The following PCDHA3 variants were observed in gnomAD, a reference collection of about 807,000 sequenced individuals.
The protein encoded by PCDHA3 is protocadherin alpha 3, also known as protocadherin alpha-3.
In PCDHA3, 41 loss-of-function variants were observed where a neutral mutation model predicts 62.2. The ratio of observed to expected loss-of-function variants is 0.66; its 90% CI spans 0.51 to 0.86. PCDHA3 has a LOEUF of 0.86. PCDHA3 is among the 40% of genes least tolerant of loss of function. The pLI is 0.00. For synonymous variants in PCDHA3, 640 were observed against 555.4 expected, an observed-to-expected ratio of 1.15 and a Z score of -2.14; for missense variants, 1,304 against 1,241.2, an observed-to-expected ratio of 1.05 and a Z score of -0.76.
At chr5:140,853,663 T>C (rs1278843204) in intron 1 of PCDHA3, 2 of 988,324 alleles carry the variant, frequency 2.0e-6, no homozygotes, top group South Asian at 4.7e-5. Context: ...CCAGACAAAT[T>C]GGGGCCTATG....
At chr5:140,923,112 T>C (rs1159250649) in intron 1 of PCDHA3, among the ~76,000 whole-genome samples, 2 of 152,144 alleles carry the variant, frequency 1.3e-5, no homozygotes, top group Non-Finnish European at 2.9e-5. Flanking sequence ...TGATTTTAAG[T>C]TTTTAGGGTC....
At chr5:140,843,709 C>T in intron 1 of PCDHA3, 1 of 1,574,864 alleles carries the variant, frequency 6.3e-7, no homozygotes, top group Non-Finnish European at 8.7e-7. Flanking sequence ...TTGATCATGG[C>T]CTCAAAGTAA....
rs1368694746 is a variant in PCDHA3, at chr5:140,870,609, G to T, written c.2394+67018G>T. ...TGGAGCGGCGGTTGGGCGACCGCGC[G>T]CTGTCGAGCTACGTGTCGGTGCACG... On this transcript the variant is annotated intron_variant, in intron 1 of 3. Coordinates refer to ENST00000522353, the MANE Select transcript of PCDHA3 (RefSeq NM_018906.3). The T allele has an allele frequency of 5.0e-6, 8 of 1,613,114 alleles. No homozygotes were observed. In the East Asian group the frequency reaches 1.8e-4, roughly 36 times the overall value.
At chr5:140,891,970 C>T (rs1554185021) in intron 1 of PCDHA3, among the ~76,000 whole-genome samples, 1 of 152,168 alleles carries the variant, frequency 6.6e-6, no homozygotes, top group African/African-American at 2.4e-5. Flanking sequence ...AGTAAATTTC[C>T]GTTCTCATAA....
chr5:140,823,846 G>T (rs1767898673), intron 1 of PCDHA3: 8 of 1,613,762 alleles, frequency 5.0e-6, no homozygotes, highest in African/African-American at 1.3e-5. Flanking sequence ...TCCCGAGGCT[G>T]CCCTGGTGGA....
intron 1 of PCDHA3, chr5:140,853,385 A>C (rs2042733783): frequency 3.0e-6 from 3 of 986,050 alleles, no homozygotes; most frequent in Non-Finnish European, 3.7e-6. Flanking sequence ...AATTCAAAAC[A>C]GCCTGTCAAG....
Position 140,835,940 on chromosome 5 carries a change from G to A in PCDHA3, c.2394+32349G>A. 6 of 1,612,590 alleles carry A rather than the reference G, an allele frequency of 3.7e-6. No homozygotes were observed. In the South Asian group the frequency reaches 6.6e-5, roughly 18 times the overall value. ...ACGCGGAGAGCGGCAAGGTGTACGCGCTGCAGCCGTTGGACCACGAGGAGC... is the reference window on the plus strand; with the variant it reads ...ACGCGGAGAGCGGCAAGGTGTACGCACTGCAGCCGTTGGACCACGAGGAGC... On this transcript the variant is annotated intron_variant, in intron 1 of 3. Transcript: ENST00000522353.
intron 1 of PCDHA3, among the ~76,000 whole-genome samples, chr5:140,912,342 TA>T (rs1371454067): frequency 9.7e-5 from 12 of 123,478 alleles, no homozygotes; most frequent in African/African-American, 4.4e-4. Context: ...GTACACTAAG[TA>T]TTTTTTTTTT....
At chr5:140,871,438 C>G (rs1246532449) in intron 1 of PCDHA3, 3 of 1,611,836 alleles carry the variant, frequency 1.9e-6, no homozygotes, top group Middle Eastern at 1.7e-4. Flanking sequence ...TCCTCTAGGT[C>G]TGAATAAAGA....
chr5:140,920,588 G>A lies in PCDHA3; in HGVS notation c.2395-58361G>A, dbSNP rs561082502. 2.0e-5 allele frequency among the ~76,000 whole-genome samples: 3 copies of A among 152,284 alleles called. No individual in the cohort carries two copies. The South Asian group carries it at 6.2e-4, about 32-fold the overall frequency. On this transcript the variant is annotated intron_variant, in intron 1 of 3. Transcript: ENST00000522353. ...AGGCCAGGAGCAGTGGCTCACGCCT[G>A]TAATCCCAGCACTTTGGGAGGCCGA...
intron 1 of PCDHA3, chr5:140,877,093 G>T (rs2056846978): frequency 6.2e-7 from 1 of 1,613,178 alleles, no homozygotes; most frequent in African/African-American, 1.3e-5. Context: ...GCGCGACGCC[G>T]GCGTGCCGCC....
chr5:140,876,541 C>T, intron 1 of PCDHA3: 1 of 1,614,188 alleles, frequency 6.2e-7, no homozygotes, highest in Non-Finnish European at 8.5e-7. Context: ...TTCACTGTCG[C>T]TCCCTGTGCA....
chr5:140,844,004 C>G (rs1427252169), intron 1 of PCDHA3, among the ~76,000 whole-genome samples: 1 of 149,654 alleles, frequency 6.7e-6, no homozygotes, highest in Non-Finnish European at 1.5e-5. Context: ...CTGAACAATA[C>G]TCTAAGGACG....
chr5:140,884,021 G>C, intron 1 of PCDHA3: 1 of 1,613,318 alleles, frequency 6.2e-7, no homozygotes, highest in Non-Finnish European at 8.5e-7. Flanking sequence ...GCCGCGGTCG[G>C]TGGGTGCAGG....
At chr5:140,991,411 C>G (rs905076175) in intron 3 of PCDHA3, among the ~76,000 whole-genome samples, 8 of 152,156 alleles carry the variant, frequency 5.3e-5, no homozygotes, top group Admixed American at 5.2e-4. Flanking sequence ...TCCCATTATG[C>G]TATAACAAAT....
rs1358633051 is a variant in PCDHA3, at chr5:140,859,520, T to TA, written c.2394+55937dup. On this transcript the variant is annotated intron_variant, in intron 1 of 3. Coordinates refer to ENST00000522353, the MANE Select transcript of PCDHA3 (RefSeq NM_018906.3). ...TACCTGATACCCATGATTTCATTTT[T>TA]AAAAAAAATTTATTAATTCTAGTGT... 5.7e-5 allele frequency: 11 copies of TA among 194,288 alleles called. 2 individuals are homozygous for TA. The highest frequency in any genetic ancestry group is 1.0e-4 in the Non-Finnish European group (10 of 97,338). The allele number at this position is 194,288 out of a possible 1,614,324, so 12.0% of individuals were successfully genotyped here. A position where few individuals can be genotyped will look rare whatever the true frequency, so the allele number is the denominator to read the frequency against.
chr5:141,000,361 GTCTCTCTCTCTCTCTC>G (rs148596731), intron 3 of PCDHA3, among the ~76,000 whole-genome samples: 6 of 26,448 alleles, frequency 2.3e-4, no homozygotes, highest in African/African-American at 1.2e-3. Context: ...GTCTCTCTCT[GTCTCTCTCTCTCTCTC>G]TCTCTCTCTC....
chr5:140,869,270 T>G (rs782020247), intron 1 of PCDHA3: 48 of 1,613,430 alleles, frequency 3.0e-5, no homozygotes, highest in Non-Finnish European at 4.0e-5. Context: ...GGGCTGGAGC[T>G]GGCGGAGCTG....
At chr5:140,828,491 C>G in intron 1 of PCDHA3, 2 of 1,614,194 alleles carry the variant, frequency 1.2e-6, no homozygotes, top group Non-Finnish European at 1.7e-6. Context: ...GCCCTTGTTC[C>G]CGGTAGAGGA....
Sources: allele counts gnomAD v4.1 joint callset (sites outside exome capture counted in the v4.1 genomes callset), GRCh38; gene constraint gnomAD v4.1.1; transcripts MANE v1.5; gene names NCBI Gene and HGNC (gene_info 2026-07-23, HGNC 2026-07-21).